TAF3: variants seen among roughly 807,000 people sequenced by gnomAD.
TAF3 encodes the protein TATA-box binding protein associated factor 3.
In TAF3, 7 loss-of-function variants were observed where a neutral mutation model predicts 80.6. The ratio of observed to expected loss-of-function variants is 0.09; its 90% confidence interval spans 0.05 to 0.16. The LOEUF is 0.16. TAF3 is among the 10% of genes least tolerant of loss of function. TAF3 has a pLI of 1.00. For synonymous variants in TAF3, 444 were observed against 446.1 expected (o/e 1.00, Z 0.06); for missense variants, 921 against 1,140.2 (o/e 0.81, Z 2.77).
chr10:7,821,878 A>G lies in TAF3; in HGVS notation c.167-2440A>G, dbSNP rs184938501. On this transcript the variant is annotated intron_variant, in intron 1 of 6. Coordinates refer to ENST00000344293, the MANE Select transcript of TAF3 (RefSeq NM_031923.4). ...CTGTGAAGTATGGTTGTATAAAGGT[A>G]TAGAGTATTCCAGCTTAGAGAATCA... 1.5e-4 allele frequency among the ~76,000 whole-genome samples: 23 copies of G among 152,312 alleles called. No individual in the cohort carries two copies. The East Asian group carries it at 2.9e-3, about 19-fold the overall frequency.
chr10:7,870,499 A>G (rs764421521), intron 2 of TAF3, among the ~76,000 whole-genome samples: 2 of 152,184 alleles, frequency 1.3e-5, no homozygotes, highest in Non-Finnish European at 2.9e-5. Flanking sequence ...GTGGTTCATT[A>G]TAAAATACAT....
intron 5 of TAF3, among the ~76,000 whole-genome samples, chr10:8,012,275 G>C (rs1431080949): frequency 6.6e-6 from 1 of 152,182 alleles, no homozygotes; most frequent in African/African-American, 2.4e-5. Context: ...GACATACAAA[G>C]GCTAGAGAGC....
intron 2 of TAF3, among the ~76,000 whole-genome samples, chr10:7,838,721 C>T (rs1402468411): frequency 2.0e-5 from 3 of 152,012 alleles, no homozygotes; most frequent in African/African-American, 4.8e-5. Flanking sequence ...TTCTTGAATA[C>T]CTTCTGGCCC....
intron 2 of TAF3, among the ~76,000 whole-genome samples, chr10:7,939,577 TACACACAC>T (rs71385681): frequency 0.063 from 8,785 of 139,196 alleles, 280 homozygotes; most frequent in Non-Finnish European, 0.079. Flanking sequence ...AGAAGAAAAC[TACACACAC>T]ACACACACAC....
At chr10:7,939,974 G>T (rs968317994) in intron 2 of TAF3, among the ~76,000 whole-genome samples, 5 of 152,096 alleles carry the variant, frequency 3.3e-5, no homozygotes, top group Admixed American at 6.6e-5. Context: ...GAGTCTAAAA[G>T]GTACCCATAA....
intron 3 of TAF3, among the ~76,000 whole-genome samples, chr10:7,976,118 A>G (rs1479088929): frequency 6.6e-6 from 1 of 152,138 alleles, no homozygotes; most frequent in African/African-American, 2.4e-5. Flanking sequence ...TTAACATCAG[A>G]CTTAGTTTCT....
At chr10:7,888,004 C>G (rs757676434) in intron 2 of TAF3, among the ~76,000 whole-genome samples, 1 of 152,146 alleles carries the variant, frequency 6.6e-6, no homozygotes, top group African/African-American at 2.4e-5. Flanking sequence ...CTGCCACCAC[C>G]GCCATTGTGG....
chr10:7,846,068 C>T (rs982899007), intron 2 of TAF3, among the ~76,000 whole-genome samples: 2 of 151,182 alleles, frequency 1.3e-5, no homozygotes, highest in Non-Finnish European at 2.9e-5. Context: ...ACGCCAGTCT[C>T]CTGCCTCAGC....
rs763703038 is a variant in TAF3, at chr10:7,863,722, C to CACAT, written c.409+39163_409+39164insCATA. ...ATATATATACACATATATATATACA[C>CACAT]ATATATATATACACATATATATATA... On this transcript the variant is annotated intron_variant, in intron 2 of 6. Transcript: ENST00000344293. Among the ~76,000 whole-genome samples, 7 of 79,158 alleles carry CACAT rather than the reference C, an allele frequency of 8.8e-5. 2 individuals carry two copies. The highest frequency in any genetic ancestry group is 1.4e-4 in the Admixed American group (1 of 6,998). 51.9% of individuals were successfully genotyped at this position (79,158 alleles called of 152,430 possible).
chr10:7,903,314 G>C (rs914647002), intron 2 of TAF3, among the ~76,000 whole-genome samples: 2 of 152,164 alleles, frequency 1.3e-5, no homozygotes, highest in African/African-American at 4.8e-5. Context: ...GGTGACCCCT[G>C]TGTCCTTTGA....
At chr10:7,915,364 G>A (rs1451062362) in intron 2 of TAF3, among the ~76,000 whole-genome samples, 7 of 151,614 alleles carry the variant, frequency 4.6e-5, no homozygotes, top group Non-Finnish European at 8.8e-5. Flanking sequence ...AGAATCATGG[G>A]CCGGGCGCAG....
rs914434595 is a variant in TAF3 at position 7,963,999 on chromosome 10, A to T, written c.489A>T (p.Glu163Asp). ...AMQVPLEEDDELEEEEIINDE... is the reference protein window; with the variant it reads ...AMQVPLEEDDDLEEEEIINDE... ...AGGTTCCCTTGGAAGAAGATGATGA[A>T]TTGGAGGAGGAAGAAATTATTAATG... is the stretch of plus-strand genomic sequence containing the variant. The change falls in exon 3 of 7, where the codon GAA becomes GAT. Residue 163 changes from glutamate to aspartate, a missense_variant. Around this residue, in one of 6 missense-constraint regions of TAF3, gnomAD observed 743 missense variants for 821.0 expected, o/e 0.90. Coordinates refer to ENST00000344293, the MANE Select transcript of TAF3 (RefSeq NM_031923.4). 3 of 1,614,026 alleles carry T rather than the reference A, an allele frequency of 1.9e-6. No individual in the cohort carries two copies. The highest frequency in any genetic ancestry group is 2.5e-6 in the Non-Finnish European group (3 of 1,180,044).
chr10:7,818,736 G>A lies in TAF3; in HGVS notation c.27G>A (p.Leu9=). The change falls in exon 1 of 7, where the codon TTG becomes TTA. Residue 9 remains leucine, a synonymous_variant. Transcript: ENST00000344293. ...TGTGCGAGAGTTACTCCAGGTCGTT[G>A]TTGAGGGTCTCGGTGGCGCAGATCT... MCESYSRS[L]LRVSVAQICQ... 6.2e-7 allele frequency: 1 copy of A among 1,606,842 alleles called. No individual in the cohort carries two copies. Among genetic ancestry groups the A allele is most frequent in the Non-Finnish European group, 8.5e-7 (1 of 1,178,358 alleles).
intron 2 of TAF3, among the ~76,000 whole-genome samples, chr10:7,881,788 C>G (rs902973231): frequency 6.6e-6 from 1 of 152,198 alleles, no homozygotes; most frequent in African/African-American, 2.4e-5. Flanking sequence ...TTCCAACTTT[C>G]AATTTCCTTT....
At chr10:7,968,882 A>T (rs1479275437) in intron 3 of TAF3, among the ~76,000 whole-genome samples, 3 of 152,220 alleles carry the variant, frequency 2.0e-5, no homozygotes, top group African/African-American at 7.2e-5. Context: ...TTTTTCTATT[A>T]GTGATGATAA....
At chr10:7,985,770 TTCTC>T (rs1203320179) in intron 4 of TAF3, among the ~76,000 whole-genome samples, 1 of 149,462 alleles carries the variant, frequency 6.7e-6, no homozygotes, top group African/African-American at 2.5e-5. Flanking sequence ...CAGTCTCTCA[TTCTC>T]TCTCTCTTTT....
At chr10:7,928,276 TAC>T (rs1837834778) in intron 2 of TAF3, among the ~76,000 whole-genome samples, 1 of 152,236 alleles carries the variant, frequency 6.6e-6, no homozygotes, top group Admixed American at 6.5e-5. Flanking sequence ...CGTGTCCCAG[TAC>T]CTGATACCTA....
chr10:7,841,103 G>A (rs1049450996), intron 2 of TAF3, among the ~76,000 whole-genome samples: 1 of 152,072 alleles, frequency 6.6e-6, no homozygotes. Context: ...CGCCCACCTC[G>A]GCCTACCAAA....
intron 3 of TAF3, among the ~76,000 whole-genome samples, chr10:7,972,773 A>G (rs1022444693): frequency 1.3e-5 from 2 of 152,228 alleles, no homozygotes; most frequent in African/African-American, 4.8e-5. Flanking sequence ...CATTTAAGAC[A>G]GCGTTGAAAA....
Sources: gnomAD v4.1 joint callset for allele counts (sites outside exome capture counted in the v4.1 genomes callset) on GRCh38, gnomAD v4.1.1 for gene constraint, gnomAD v4.1.1 regional missense constraint, MANE v1.5 for transcripts, NCBI Gene and HGNC (gene_info 2026-07-23, HGNC 2026-07-21) for gene names.